Variants in VWA3B observed in about 807,000 individuals in gnomAD.
The protein encoded by VWA3B is von Willebrand factor A domain-containing protein 3B.
Under a neutral mutation model 158.3 loss-of-function variants are expected in VWA3B, and 138 were observed. The observed-to-expected ratio is 0.87, with a 90% CI of 0.76 to 1.00. The LOEUF is 1.00. Ranked by LOEUF, VWA3B falls within the 50% of genes least tolerant of loss-of-function variation. VWA3B has a pLI of 0.00. For synonymous variants in VWA3B, 596 were observed against 587.3 expected (o/e 1.01, Z -0.21); for missense variants, 1,555 against 1,565.1 (o/e 0.99, Z 0.11).
At chr2:98,191,542 C>T (rs565872365) in intron 10 of VWA3B, among the ~76,000 whole-genome samples, 15 of 152,294 alleles carry the variant, frequency 9.8e-5, no homozygotes, top group African/African-American at 3.6e-4. Context: ...GATCTAGGGT[C>T]GCCTTTAGCC....
At chr2:98,300,817 C>T (rs1690130381) in intron 25 of VWA3B, among the ~76,000 whole-genome samples, 1 of 152,082 alleles carries the variant, frequency 6.6e-6, no homozygotes, top group Non-Finnish European at 1.5e-5. Context: ...AGCCAGTGCA[C>T]CCCCTTTCCC....
Position 98,230,071 on chromosome 2 carries a change from T to C in VWA3B, c.2172T>C (p.Ser724=), listed in dbSNP as rs1396521800. The C allele has an allele frequency of 6.3e-6, 10 of 1,585,718 alleles. No homozygotes were observed. Among genetic ancestry groups the C allele is most frequent in the Non-Finnish European group, 8.5e-6 (10 of 1,173,034 alleles). ...GDSKHQKEIC[S]MISTPEKCAK... is the part of the protein sequence containing the mutation. ...ACAGGCATCAAAAGGAAATCTGTTC[T>C]ATGATTTCAACCCCAGAAAAGTGTG... The change falls in exon 16 of 28, where the codon TCT becomes TCC. Residue 724 remains serine (S), a synonymous_variant. Coordinates refer to ENST00000477737, the MANE Select transcript of VWA3B (RefSeq NM_144992.5).
chr2:98,312,458 C>A lies in VWA3B; in HGVS notation c.*109C>A. ...TCCGCGGAGGTAAGGCCGCCCTCCG[C>A]GCCGCCTATGCCTGCCCTGTCTGTA... On this transcript the variant is annotated 3_prime_UTR_variant, in exon 28 of 28. Coordinates refer to ENST00000477737, the MANE Select transcript of VWA3B (RefSeq NM_144992.5). 7.3e-7 allele frequency: 1 copy of A among 1,368,378 alleles called. No individual in the cohort carries two copies. Among genetic ancestry groups the A allele is most frequent in the Non-Finnish European group, 9.8e-7 (1 of 1,022,058 alleles). The allele number at this position is 1,368,378 out of a possible 1,614,324, so 84.8% of individuals were successfully genotyped here. A position where few individuals can be genotyped will look rare whatever the true frequency, so the allele number is the denominator to read the frequency against.
chr2:98,090,161 T>C (rs1016384159), intron 1 of VWA3B, among the ~76,000 whole-genome samples: 4 of 152,244 alleles, frequency 2.6e-5, no homozygotes, highest in African/African-American at 7.2e-5. Context: ...CTTCCCTTTC[T>C]TGTTTCTTGG....
At chr2:98,162,780 G>A in intron 7 of VWA3B, 71 bp from the exon 8 acceptor site, 1 of 1,581,966 alleles carries the variant, frequency 6.3e-7, no homozygotes. Context: ...AATGCGTCAG[G>A]CCTGCTAGGC....
the VWA3B span, among the ~76,000 whole-genome samples, chr2:98,328,767 C>G: frequency 6.6e-6 from 1 of 152,118 alleles, no homozygotes; most frequent in South Asian, 2.1e-4. Context: ...TCCCCCAAAC[C>G]TCTATAAATT....
Position 98,119,733 on chromosome 2 carries a change from T to C in VWA3B, c.512T>C (p.Val171Ala). 6.2e-7 allele frequency: 1 copy of C among 1,614,196 alleles called. No homozygotes were observed. Among genetic ancestry groups the C allele is most frequent in the Non-Finnish European group, 8.5e-7 (1 of 1,180,022 alleles). ...CTAACAATGGTTCTCCAGGAGCAGG[T>C]GGCTCACATAACCGAGTTCAATATC... ...EALTMVLQEQVAHITEFNIIR... is the reference protein window; with the variant it reads ...EALTMVLQEQAAHITEFNIIR... The change falls in exon 4 of 28, where the codon GTG becomes GCG. Residue 171 changes from valine to alanine, a missense_variant. Transcript: ENST00000477737.
At chr2:98,309,785 G>A (rs527406460) in intron 26 of VWA3B, among the ~76,000 whole-genome samples, 33 of 152,260 alleles carry the variant, frequency 2.2e-4, no homozygotes, top group Admixed American at 5.2e-4. Context: ...CCTAAGAGGC[G>A]TCTGTGCATT....
chr2:98,168,366 T>TAC (rs34948576), intron 8 of VWA3B, among the ~76,000 whole-genome samples: 2 of 107,684 alleles, frequency 1.9e-5, no homozygotes, highest in South Asian at 8.7e-4. Flanking sequence ...TTCAATCTAA[T>TAC]ACACACACAT....
intron 7 of VWA3B, among the ~76,000 whole-genome samples, chr2:98,134,976 T>G (rs1676148688): frequency 6.6e-6 from 1 of 152,076 alleles, no homozygotes; most frequent in Non-Finnish European, 1.5e-5. Context: ...AATGGAAACC[T>G]TTGTTCCAAT....
At chr2:98,091,875 C>T (rs1682317817) in intron 1 of VWA3B, among the ~76,000 whole-genome samples, 1 of 152,204 alleles carries the variant, frequency 6.6e-6, no homozygotes, top group African/African-American at 2.4e-5. Context: ...GAACTTTCTA[C>T]ACTTCCTCCA....
intron 22 of VWA3B, among the ~76,000 whole-genome samples, chr2:98,286,825 T>C (rs1288929119): frequency 6.6e-6 from 1 of 152,116 alleles, no homozygotes; most frequent in Non-Finnish European, 1.5e-5. Flanking sequence ...TAATTTCTAG[T>C]TCCCTATGGC....
At chr2:98,307,655 C>T (rs1020036131) in intron 26 of VWA3B, among the ~76,000 whole-genome samples, 3 of 152,172 alleles carry the variant, frequency 2.0e-5, no homozygotes, top group Non-Finnish European at 4.4e-5. Context: ...AGAAGTTACT[C>T]GTTATTCCTA....
chr2:98,285,808 G>A (rs1488453538), intron 22 of VWA3B, among the ~76,000 whole-genome samples: 3 of 151,810 alleles, frequency 2.0e-5, no homozygotes, highest in Non-Finnish European at 2.9e-5. Context: ...CCAAAAACAA[G>A]CAAACAAAAA....
intron 23 of VWA3B, among the ~76,000 whole-genome samples, chr2:98,295,747 T>C (rs765733814): frequency 2.6e-5 from 4 of 152,108 alleles, no homozygotes; most frequent in Non-Finnish European, 4.4e-5. Context: ...AGAGAAACTA[T>C]AGGGTAAGGG....
At chr2:98,099,625 C>T (rs1450711585) in intron 2 of VWA3B, among the ~76,000 whole-genome samples, 1 of 152,088 alleles carries the variant, frequency 6.6e-6, no homozygotes, top group African/African-American at 2.4e-5. Flanking sequence ...TTATATCTTT[C>T]TCCAGGTTTG....
chr2:98,181,261 T>TG, intron 9 of VWA3B, 49 bp downstream of exon 9: 1 of 1,588,204 alleles, frequency 6.3e-7, no homozygotes, highest in Non-Finnish European at 8.6e-7. Context: ...CCTCAAGTCC[T>TG]GGGTGGGTGA....
chr2:98,154,284 A>G (rs1677878225), intron 7 of VWA3B, among the ~76,000 whole-genome samples: 2 of 152,208 alleles, frequency 1.3e-5, no homozygotes, highest in Admixed American at 1.3e-4. Flanking sequence ...GGAATAAAAG[A>G]CAAGGTTCCC....
chr2:98,215,700 T>C (rs2105583277), intron 13 of VWA3B, among the ~76,000 whole-genome samples: 1 of 151,940 alleles, frequency 6.6e-6, no homozygotes, highest in South Asian at 2.1e-4. Flanking sequence ...GTATTTTTGG[T>C]AAAGACGGGG....
Sources: allele counts gnomAD v4.1 joint callset (sites outside exome capture counted in the v4.1 genomes callset), GRCh38; gene constraint gnomAD v4.1.1; transcripts MANE v1.5; gene names NCBI Gene and HGNC (gene_info 2026-07-23, HGNC 2026-07-21).